The following OSBPL1A variants were observed in gnomAD, a reference collection of about 807,000 sequenced individuals.
OSBPL1A encodes oxysterol-binding protein-related protein 1.
Under a neutral mutation model 137.1 loss-of-function variants are expected in OSBPL1A, and 80 were observed. That is an observed-to-expected ratio of 0.58 (90% confidence interval 0.49 to 0.70). The LOEUF is 0.70. Among genes scored for constraint, OSBPL1A ranks in the 30% least tolerant of loss-of-function variants. The pLI is 0.00. For missense variants in OSBPL1A, 970 were observed against 1,129.4 expected, an observed-to-expected ratio of 0.86 and a Z score of 2.02; for synonymous variants, 365 against 389.7, an observed-to-expected ratio of 0.94 and a Z score of 0.75.
chr18:24,332,961 A>G lies in OSBPL1A; in HGVS notation c.606T>C (p.Pro202=), dbSNP rs147902133. 6.2e-7 allele frequency: 1 copy of G among 1,614,124 alleles called. No individual in the cohort carries two copies. Among genetic ancestry groups the G allele is most frequent in the Non-Finnish European group, 8.5e-7 (1 of 1,179,998 alleles). The change falls in exon 7 of 28, where the codon CCT becomes CCC. Residue 202 remains proline, a synonymous_variant. Coordinates refer to ENST00000319481, the MANE Select transcript of OSBPL1A (RefSeq NM_080597.4). The part of the protein sequence containing the change: ...ALKLLRSGAD[P]NLKNKNDQKP... The stretch of plus-strand genomic sequence containing the variant: ...GCTTACCATTTTTGTTCTTCAGATT[A>G]GGGTCTGCTCCACTTCTTAGAAGCT...
At chr18:24,366,185 A>T (rs1420753522) in intron 4 of OSBPL1A, among the ~76,000 whole-genome samples, 2 of 152,128 alleles carry the variant, frequency 1.3e-5, no homozygotes, top group Non-Finnish European at 2.9e-5. Flanking sequence ...ACAGATGAAG[A>T]GATACATAGG....
At position 24,236,854 on chromosome 18, in the gene OSBPL1A, C is replaced by T. The variant is rs113425797; in HGVS notation, c.1444+2366G>A. 3.8e-3 allele frequency among the ~76,000 whole-genome samples: 575 copies of T among 152,214 alleles called. 1 individual carries two copies. Among genetic ancestry groups the T allele is most frequent in the Non-Finnish European group, 6.3e-3 (426 of 68,002 alleles). Reference sequence around the variant, plus strand: ...TATGGTTCTTTTTCTCTCTTCCTCCCGGAGGAGACGACTATTAAAATATTA... The same window carrying T: ...TATGGTTCTTTTTCTCTCTTCCTCCTGGAGGAGACGACTATTAAAATATTA... On this transcript the variant is annotated intron_variant, in intron 16 of 27. Coordinates refer to ENST00000319481, the MANE Select transcript of OSBPL1A (RefSeq NM_080597.4).
At chr18:24,267,968 T>C (rs1179627532) in intron 15 of OSBPL1A, among the ~76,000 whole-genome samples, 1 of 151,944 alleles carries the variant, frequency 6.6e-6, no homozygotes, top group African/African-American at 2.4e-5. Flanking sequence ...TGTGTAAGAA[T>C]TGAAAAAAAG....
intron 17 of OSBPL1A, among the ~76,000 whole-genome samples, chr18:24,207,672 A>G (rs2087414074): frequency 1.3e-5 from 2 of 152,214 alleles, no homozygotes; most frequent in Non-Finnish European, 2.9e-5. Context: ...GTATACTGTT[A>G]TACGTGTGTT....
chr18:24,397,202 A>G (rs1907810759), intron 1 of OSBPL1A, among the ~76,000 whole-genome samples: 1 of 152,242 alleles, frequency 6.6e-6, no homozygotes, highest in Admixed American at 6.5e-5. Context: ...TCATGCTTGT[A>G]GAACCGACCA....
intron 15 of OSBPL1A, among the ~76,000 whole-genome samples, chr18:24,245,262 AT>A (rs34833793): frequency 1.3e-5 from 2 of 150,788 alleles, no homozygotes; most frequent in Non-Finnish European, 3.0e-5. Context: ...TGCCTAGCTA[AT>A]TTTTTTTTCG....
At chr18:24,181,808 A>C (rs759673531) in intron 18 of OSBPL1A, among the ~76,000 whole-genome samples, 1 of 152,230 alleles carries the variant, frequency 6.6e-6, no homozygotes, top group Non-Finnish European at 1.5e-5. Flanking sequence ...AAATGAATGC[A>C]CTTTCTTTGT....
chr18:24,179,857 C>A, intron 19 of OSBPL1A, 22 bp from the exon 20 acceptor site: 1 of 1,601,452 alleles, frequency 6.2e-7, no homozygotes, highest in Non-Finnish European at 8.6e-7. Context: ...AGCATGAGAA[C>A]AAGTCAAAAA....
intron 13 of OSBPL1A, among the ~76,000 whole-genome samples, chr18:24,306,999 G>GT (rs1194620331): frequency 6.6e-6 from 1 of 150,854 alleles, no homozygotes; most frequent in Non-Finnish European, 1.5e-5. Flanking sequence ...GCTCATGCAT[G>GT]TAATCCCAGC....
chr18:24,270,735 A>AC (rs753215186), intron 15 of OSBPL1A, among the ~76,000 whole-genome samples: 1 of 151,558 alleles, frequency 6.6e-6, no homozygotes, highest in African/African-American at 2.4e-5. Context: ...GTATTTAGAC[A>AC]CCCCCCACCC....
intron 14 of OSBPL1A, among the ~76,000 whole-genome samples, chr18:24,287,772 A>AAAAATAAAATAAAAT (rs56768879): frequency 0.15 from 20,067 of 135,988 alleles, 1,827 homozygotes; most frequent in Middle Eastern, 0.23. Flanking sequence ...ACTCTGTCTC[A>AAAAATAAAATAAAAT]AAAATAAAAT....
intron 5 of OSBPL1A, among the ~76,000 whole-genome samples, chr18:24,337,577 A>C (rs1466863404): frequency 2.7e-5 from 4 of 150,798 alleles, no homozygotes; most frequent in African/African-American, 9.7e-5. Flanking sequence ...TCTCAAAAAA[A>C]AAAAAAAAAA....
chr18:24,283,881 A>G (rs1395866759), intron 14 of OSBPL1A, among the ~76,000 whole-genome samples: 4 of 152,182 alleles, frequency 2.6e-5, no homozygotes, highest in Non-Finnish European at 5.9e-5. Flanking sequence ...GTCCAAATAC[A>G]TGCTTAGGAA....
At chr18:24,321,682 A>T (rs758945141) in intron 7 of OSBPL1A, 2 of 525,058 alleles carry the variant, frequency 3.8e-6, no homozygotes, top group Non-Finnish European at 7.8e-6. Flanking sequence ...ATGGCATGAC[A>T]GGCCTTCTCT....
chr18:24,364,030 T>C (rs991312546), intron 4 of OSBPL1A, among the ~76,000 whole-genome samples: 5 of 152,010 alleles, frequency 3.3e-5, no homozygotes, highest in African/African-American at 1.2e-4. Flanking sequence ...TGATGAGCAA[T>C]CTCAACTCCA....
chr18:24,187,397 T>C (rs1220934004), intron 18 of OSBPL1A, among the ~76,000 whole-genome samples: 1 of 152,192 alleles, frequency 6.6e-6, no homozygotes, highest in Non-Finnish European at 1.5e-5. Flanking sequence ...TTTTTTGTTA[T>C]ATATATTTTG....
At chr18:24,368,989 G>A (rs896067871) in intron 2 of OSBPL1A, among the ~76,000 whole-genome samples, 1 of 152,152 alleles carries the variant, frequency 6.6e-6, no homozygotes, top group Non-Finnish European at 1.5e-5. Flanking sequence ...GGAACTCTCT[G>A]AAAGTGTGTG....
intron 1 of OSBPL1A, among the ~76,000 whole-genome samples, chr18:24,395,560 T>C (rs1216494968): frequency 1.3e-5 from 2 of 152,172 alleles, no homozygotes; most frequent in African/African-American, 4.8e-5. Context: ...TTCAACCTAA[T>C]TGTCGGTTCT....
intron 7 of OSBPL1A, among the ~76,000 whole-genome samples, chr18:24,328,211 T>C (rs1298251130): frequency 2.1e-5 from 3 of 141,016 alleles, no homozygotes; most frequent in Admixed American, 7.6e-5. Flanking sequence ...CCCGGCTAAT[T>C]TTTTGTATTT....
Sources: allele counts gnomAD v4.1 joint callset (sites outside exome capture counted in the v4.1 genomes callset), GRCh38; gene constraint gnomAD v4.1.1; transcripts MANE v1.5; gene names NCBI Gene and HGNC (gene_info 2026-07-23, HGNC 2026-07-21).